The following TBC1D32 variants were observed in gnomAD, a reference collection of about 807,000 sequenced individuals.
TBC1D32 encodes TBC1 domain family member 32, also known as protein broad-minded.
TBC1D32 carries 151 observed loss-of-function variants against 170.3 expected under a neutral mutation model. The observed-to-expected ratio is 0.89, with a 90% CI of 0.78 to 1.01. The LOEUF (loss-of-function observed/expected upper bound fraction) is 1.01. Among genes scored for constraint, TBC1D32 ranks in the 50% least tolerant of loss-of-function variants. The probability of loss-of-function intolerance (pLI) is 0.00; values close to 1 mark genes in which losing one functional copy is unlikely to be tolerated. For missense variants in TBC1D32, 1,464 were observed against 1,457.1 expected, an observed-to-expected ratio of 1.00 and a Z score of -0.08; for synonymous variants, 498 against 488.0, an observed-to-expected ratio of 1.02 and a Z score of -0.27.
At chr6:121,219,767 C>T (rs532683949) in intron 21 of TBC1D32, among the ~76,000 whole-genome samples, 16 of 152,302 alleles carry the variant, frequency 1.1e-4, no homozygotes, top group South Asian at 1.0e-3. Context: ...TGTGTAGCAA[C>T]GCTACGTCAA....
At chr6:121,213,460 AAAT>A (rs201676816) in intron 21 of TBC1D32, among the ~76,000 whole-genome samples, 72,295 of 108,758 alleles carry the variant, frequency 0.66, 22,530 homozygotes, top group East Asian at 0.87. Context: ...ACTGCCACAA[AAAT>A]AATAATAAAA....
At chr6:121,241,831 G>T (rs2128362802) in intron 18 of TBC1D32, among the ~76,000 whole-genome samples, 1 of 152,098 alleles carries the variant, frequency 6.6e-6, no homozygotes, top group Admixed American at 6.5e-5. Flanking sequence ...AAATATTTTT[G>T]TTTCCTTTAA....
chr6:121,282,686 A>G (rs1292233106), intron 13 of TBC1D32, among the ~76,000 whole-genome samples: 3 of 151,836 alleles, frequency 2.0e-5, no homozygotes, highest in South Asian at 2.1e-4. Context: ...TTAAGTGCCT[A>G]ATACATACCA....
intron 19 of TBC1D32, 131 bp downstream of exon 19, chr6:121,241,334 T>C: frequency 1.4e-6 from 1 of 716,212 alleles, no homozygotes; most frequent in Non-Finnish European, 2.3e-6. Context: ...TTCTTTTACA[T>C]AAGGTCTAAC....
At chr6:121,240,356 A>ATTTTTTT (rs1796799001) in intron 19 of TBC1D32, among the ~76,000 whole-genome samples, 2 of 51,268 alleles carry the variant, frequency 3.9e-5, no homozygotes, top group Non-Finnish European at 1.0e-4. Flanking sequence ...AGTTTAGGAC[A>ATTTTTTT]ATTTTTTTTT....
In TBC1D32 at chr6:121,112,324, C is replaced by CA. The variant is rs1362562001; in HGVS notation, c.3324+180dup. On this transcript the variant is annotated intron_variant, in intron 29 of 31. Coordinates refer to ENST00000398212, the MANE Select transcript of TBC1D32 (RefSeq NM_152730.6). ...ATTCAGTTACTATTAGGTAAGACAC[C>CA]AAGTATTTGAGAAAATATCAAATCT... 8.7e-6 allele frequency: 4 copies of CA among 457,672 alleles called. No individual in the cohort carries two copies. The Admixed American group carries it at 1.7e-4, about 19-fold the overall frequency. The allele number at this position is 457,672 out of a possible 1,614,324, so 28.4% of individuals were successfully genotyped here.
intron 1 of TBC1D32, among the ~76,000 whole-genome samples, chr6:121,329,584 A>G (rs1810937862): frequency 6.6e-6 from 1 of 152,264 alleles, no homozygotes; most frequent in Admixed American, 6.5e-5. Flanking sequence ...CCTGGGAGGC[A>G]GAGGTTGCAG....
intron 21 of TBC1D32, among the ~76,000 whole-genome samples, chr6:121,215,516 C>G (rs1324389502): frequency 6.6e-6 from 1 of 152,230 alleles, no homozygotes. Flanking sequence ...CAAATGGGAT[C>G]TAATTAACTT....
intron 30 of TBC1D32, among the ~76,000 whole-genome samples, chr6:121,098,688 C>T (rs1582759665): frequency 6.6e-6 from 1 of 152,018 alleles, no homozygotes; most frequent in East Asian, 1.9e-4. Flanking sequence ...ACAAAGAATA[C>T]AAATAATGCA....
intron 20 of TBC1D32, among the ~76,000 whole-genome samples, chr6:121,225,098 T>G (rs9490141): frequency 0.048 from 7,327 of 152,060 alleles, 530 homozygotes; most frequent in African/African-American, 0.15. Context: ...GAAAGAATGT[T>G]TAAGAAATAT....
intron 24 of TBC1D32, among the ~76,000 whole-genome samples, chr6:121,132,218 A>C (rs186263822): frequency 6.6e-6 from 1 of 152,062 alleles, no homozygotes; most frequent in East Asian, 1.9e-4. Flanking sequence ...CTTGGAAAAA[A>C]TATGCTGCTG....
chr6:121,239,229 T>C (rs761492693), intron 19 of TBC1D32, 41 bp from the exon 20 acceptor site: 3 of 1,222,058 alleles, frequency 2.5e-6, no homozygotes, highest in Non-Finnish European at 3.6e-6. Flanking sequence ...TAGCATAATA[T>C]TTCTTTGGAT....
At chr6:121,266,257 C>A (rs1424914408) in intron 15 of TBC1D32, among the ~76,000 whole-genome samples, 1 of 151,846 alleles carries the variant, frequency 6.6e-6, no homozygotes, top group Non-Finnish European at 1.5e-5. Flanking sequence ...AAAAAGTAGA[C>A]ATGAATGGAC....
At chr6:121,266,821 A>G (rs1350703740) in intron 15 of TBC1D32, among the ~76,000 whole-genome samples, 1 of 152,074 alleles carries the variant, frequency 6.6e-6, no homozygotes, top group Non-Finnish European at 1.5e-5. Flanking sequence ...ACAAAAAACC[A>G]AATACCACAT....
chr6:121,161,769 C>A (rs1244716304), intron 22 of TBC1D32, among the ~76,000 whole-genome samples: 2 of 152,200 alleles, frequency 1.3e-5, no homozygotes, highest in Non-Finnish European at 2.9e-5. Flanking sequence ...ACACTGTCTT[C>A]CACAACGGTT....
intron 3 of TBC1D32, among the ~76,000 whole-genome samples, chr6:121,312,051 G>A (rs1808291550): frequency 6.6e-6 from 1 of 152,174 alleles, no homozygotes; most frequent in Admixed American, 6.5e-5. Flanking sequence ...AATGTCCTTT[G>A]CAGGGACTTG....
At chr6:121,276,815 A>C (rs1292250413) in intron 15 of TBC1D32, among the ~76,000 whole-genome samples, 1 of 152,218 alleles carries the variant, frequency 6.6e-6, no homozygotes, top group Non-Finnish European at 1.5e-5. Flanking sequence ...GGTAAAAAGG[A>C]ACATTAAATA....
At chr6:121,274,692 A>T (rs1157372700) in intron 15 of TBC1D32, among the ~76,000 whole-genome samples, 1 of 152,158 alleles carries the variant, frequency 6.6e-6, no homozygotes, top group Non-Finnish European at 1.5e-5. Context: ...ACACCAAAAA[A>T]AGACAAAAAA....
intron 1 of TBC1D32, among the ~76,000 whole-genome samples, chr6:121,324,431 G>T (rs1457103370): frequency 1.3e-5 from 2 of 151,896 alleles, no homozygotes; most frequent in Non-Finnish European, 2.9e-5. Context: ...TGCTTTAAGG[G>T]AATAAGTATT....
Sources: gnomAD v4.1 joint callset for allele counts (sites outside exome capture counted in the v4.1 genomes callset) on GRCh38, gnomAD v4.1.1 for gene constraint, MANE v1.5 for transcripts, NCBI Gene and HGNC (gene_info 2026-07-23, HGNC 2026-07-21) for gene names.